Variants in NSD1 observed in about 807,000 individuals in gnomAD.
NSD1 encodes the protein histone-lysine N-methyltransferase, H3 lysine-36 specific.
Under a neutral mutation model 242.7 loss-of-function variants are expected in NSD1, and 26 were observed. The ratio of observed to expected loss-of-function variants is 0.11; its 90% CI spans 0.08 to 0.15. The LOEUF (loss-of-function observed/expected upper bound fraction) is 0.15, where lower values mean the gene tolerates loss of function less well. Ranked by LOEUF, NSD1 falls within the 10% of genes least tolerant of loss-of-function variation. The pLI is 1.00. For missense variants in NSD1, 2,495 were observed against 3,272.8 expected (o/e 0.76, Z 5.80); for synonymous variants, 1,106 against 1,178.1 (o/e 0.94, Z 1.25).
rs570592203 is a variant in NSD1 at position 177,213,161 on chromosome 5, A to G, written c.3796+966A>G. On this transcript the variant is annotated intron_variant, in intron 5 of 22. Transcript: ENST00000439151. ...GAAAACAGAAATCTTTCAAGATACT[A>G]ACATTACACAGTATACAGTTGAGGA... Among the ~76,000 whole-genome samples the G allele has an allele frequency of 1.8e-4, 27 of 152,354 alleles. 1 individual carries two copies. The South Asian group carries it at 5.6e-3, about 32-fold the overall frequency.
Position 177,290,029 on chromosome 5 carries a change from GT to G in NSD1, c.6258+1106del, listed in dbSNP as rs371551739. Among the ~76,000 whole-genome samples, 139 of 151,594 alleles carry G rather than the reference GT, an allele frequency of 9.2e-4. No individual in the cohort carries two copies. In the Middle Eastern group the frequency reaches 0.02, roughly 22 times the overall value. ...TTTTTAGTAGAAACAGGGTTTCACT[GT>G]TGTTAGCCAGGTTGGTCTCGATCTC... On this transcript the variant is annotated intron_variant, in intron 21 of 22. Transcript: ENST00000439151.
chr5:177,177,210 A>G (rs1268560450), intron 2 of NSD1, among the ~76,000 whole-genome samples: 1 of 152,148 alleles, frequency 6.6e-6, no homozygotes, highest in Non-Finnish European at 1.5e-5. Flanking sequence ...AAAGTGAGAA[A>G]GGCAAACATC....
chr5:177,132,185 T>C (rs1748828015), upstream of NSD1, among the ~76,000 whole-genome samples: 1 of 151,952 alleles, frequency 6.6e-6, no homozygotes, highest in Non-Finnish European at 1.5e-5. The surrounding 1 kb of genome is among the most constrained non-coding windows in gnomAD (Gnocchi z 7.5). Context: ...GGCGGTCCCG[T>C]GTCCCGGCGC....
chr5:177,133,663 G>A (rs1756024676), upstream of NSD1: 1 of 149,394 alleles, frequency 6.7e-6, no homozygotes, highest in Non-Finnish European at 1.5e-5. This position sits in a 1 kb window ranked among gnomAD's most constrained non-coding sequence, Gnocchi z 6.2. Context: ...CGCGCTCGGT[G>A]GGGGAAGGGG....
intron 15 of NSD1, among the ~76,000 whole-genome samples, chr5:177,268,600 C>T (rs1330441007): frequency 2.0e-5 from 3 of 152,128 alleles, no homozygotes; most frequent in Non-Finnish European, 4.4e-5. Context: ...AAATAGAACA[C>T]TGTTGGTACT....
At position 177,210,223 on chromosome 5, in the gene NSD1, A is replaced by G; in HGVS notation, c.1824A>G (p.Lys608=). The part of the protein sequence containing the change: ...LISKCSREKN[K]PQRSLVCGSK... ...CAAAGTGTTCTCGAGAGAAGAATAA[A>G]CCCCAACGAAGCCTGGTGTGTGGTT... Residue 608 remains lysine, a synonymous_variant, in exon 5 of 23, where the codon AAA becomes AAG. Transcript: ENST00000439151. 2.5e-6 allele frequency: 4 copies of G among 1,594,288 alleles called. No individual in the cohort carries two copies. Among genetic ancestry groups the G allele is most frequent in the Non-Finnish European group, 3.4e-6 (4 of 1,171,204 alleles).
At chr5:177,158,301 CTTTTCTTTCT>C (rs1486674462) in intron 2 of NSD1, among the ~76,000 whole-genome samples, 13 of 108,572 alleles carry the variant, frequency 1.2e-4, no homozygotes, top group African/African-American at 4.1e-4. Flanking sequence ...TTCTTTCTTT[CTTTTCTTTCT>C]TTTCTTTCTT....
intron 2 of NSD1, among the ~76,000 whole-genome samples, chr5:177,138,433 T>A (rs2149760154): frequency 6.6e-6 from 1 of 152,092 alleles, no homozygotes; most frequent in Non-Finnish European, 1.5e-5. Context: ...TTTTTGTATT[T>A]TTATTAGAGA....
intron 13 of NSD1, among the ~76,000 whole-genome samples, chr5:177,259,776 G>T (rs1756838393): frequency 6.6e-6 from 1 of 152,204 alleles, no homozygotes; most frequent in Non-Finnish European, 1.5e-5. Context: ...CTCACTGACA[G>T]TTACGGGATT....
intron 2 of NSD1, among the ~76,000 whole-genome samples, chr5:177,167,214 A>G (rs1213904833): frequency 6.6e-6 from 1 of 151,718 alleles, no homozygotes; most frequent in African/African-American, 2.4e-5. Context: ...TTCTTTTTCC[A>G]TTGACTATTG....
chr5:177,168,520 C>A (rs539029013), intron 2 of NSD1, among the ~76,000 whole-genome samples: 1 of 148,664 alleles, frequency 6.7e-6, no homozygotes, highest in Non-Finnish European at 1.5e-5. Context: ...AGTGCAATGG[C>A]GTGATCTTGG....
At position 177,210,621 on chromosome 5, in the gene NSD1, A is replaced by G. The variant is rs1459098819; in HGVS notation, c.2222A>G (p.Lys741Arg). Residue 741 changes from lysine (K) to arginine (R), a missense_variant, in exon 5 of 23, where the codon AAA (lysine) becomes AGA (arginine). Lys to Arg is a conservative substitution (Grantham distance 26). This residue lies in a region of NSD1 where 515 missense variants were observed against 467.0 expected (regional missense o/e 1.10). Coordinates refer to ENST00000439151, the MANE Select transcript of NSD1 (RefSeq NM_022455.5). ...SDLKASTLVH[K>R]PQSDFTNDAL... The stretch of plus-strand genomic sequence containing the variant: ...CTGAAGGCATCTACTCTTGTTCACA[A>G]ACCCCAGTCAGATTTTACAAATGAT... 3 of 1,614,112 alleles carry G rather than the reference A, an allele frequency of 1.9e-6. No individual in the cohort carries two copies. Among genetic ancestry groups the G allele is most frequent in the South Asian group, 2.2e-5 (2 of 91,068 alleles).
intron 8 of NSD1, among the ~76,000 whole-genome samples, chr5:177,240,755 C>T (rs1765794032): frequency 6.6e-6 from 1 of 151,904 alleles, no homozygotes; most frequent in African/African-American, 2.4e-5. Flanking sequence ...GCCTATAATC[C>T]CAGGACTTAG....
At position 177,298,477 on chromosome 5, in the gene NSD1, G is replaced by T. The variant is rs1760387251; in HGVS notation, c.*3018G>T. 1 of 233,110 alleles carries T rather than the reference G, an allele frequency of 4.3e-6. No homozygotes were observed. Among genetic ancestry groups the T allele is most frequent in the African/African-American group, 2.2e-5 (1 of 45,314 alleles). The allele number at this position is 233,110 out of a possible 1,614,324, so 14.4% of individuals were successfully genotyped here. ...AAAGCCTCATTTGCTTATCTTGCTG[G>T]AGCCAACCCAGTCTAATAGCAAAAT... On this transcript the variant is annotated 3_prime_UTR_variant, in exon 23 of 23. Coordinates refer to ENST00000439151, the MANE Select transcript of NSD1 (RefSeq NM_022455.5).
intron 16 of NSD1, among the ~76,000 whole-genome samples, chr5:177,273,038 A>G (rs1189788350): frequency 6.6e-6 from 1 of 152,188 alleles, no homozygotes; most frequent in Admixed American, 6.6e-5. Context: ...GAGAGTGAGC[A>G]CAATATCTGG....
chr5:177,231,636 T>C (rs1235604410), intron 5 of NSD1, among the ~76,000 whole-genome samples: 1 of 152,044 alleles, frequency 6.6e-6, no homozygotes, highest in Non-Finnish European at 1.5e-5. Flanking sequence ...CACAGGCTAG[T>C]CTCGAACTCC....
intron 10 of NSD1, among the ~76,000 whole-genome samples, chr5:177,247,565 T>TTA (rs1233875077): frequency 3.7e-5 from 5 of 133,502 alleles, no homozygotes; most frequent in Non-Finnish European, 3.3e-5. Context: ...TGTCTCTACT[T>TTA]AAAAAAAAAA....
intron 2 of NSD1, among the ~76,000 whole-genome samples, chr5:177,158,201 C>T (rs1412207768): frequency 1.3e-5 from 2 of 151,632 alleles, no homozygotes; most frequent in African/African-American, 2.4e-5. Flanking sequence ...GTGGTTGCAC[C>T]GTTTTACAGT....
chr5:177,286,733 G>A (rs191169116), intron 20 of NSD1, among the ~76,000 whole-genome samples: 21 of 152,178 alleles, frequency 1.4e-4, no homozygotes, highest in Non-Finnish European at 2.8e-4. Flanking sequence ...TACTATGTCT[G>A]CTGAGTGCTG....
Sources: gnomAD v4.1 joint callset for allele counts (sites outside exome capture counted in the v4.1 genomes callset) on GRCh38, gnomAD v4.1.1 for gene constraint, gnomAD v4.1.1 regional missense constraint, Gnocchi (gnomAD v3.1) non-coding constraint, MANE v1.5 for transcripts, NCBI Gene and HGNC (gene_info 2026-07-23, HGNC 2026-07-21) for gene names.